Variants in CTNNA3 observed in about 807,000 individuals in gnomAD.
CTNNA3 encodes the protein catenin alpha-3.
CTNNA3 carries 76 observed loss-of-function variants against 95.7 expected under a neutral mutation model. The ratio of observed to expected loss-of-function variants is 0.79; its 90% confidence interval spans 0.66 to 0.96. CTNNA3 has a LOEUF of 0.96. CTNNA3 is among the 40% of genes least tolerant of loss of function. The probability of loss-of-function intolerance (pLI) is 0.00; values close to 1 mark genes in which losing one functional copy is unlikely to be tolerated. For synonymous variants in CTNNA3, 431 were observed against 374.4 expected (o/e 1.15, Z -1.74); for missense variants, 1,191 against 1,089.8 (o/e 1.09, Z -1.31).
At chr10:67,165,845 C>T (rs1395997479) in intron 7 of CTNNA3, among the ~76,000 whole-genome samples, 2 of 152,088 alleles carry the variant, frequency 1.3e-5, no homozygotes, top group African/African-American at 4.8e-5. Context: ...ATAAAATGAA[C>T]AGTCAATACT....
At chr10:66,736,647 A>G (rs972654130) in intron 9 of CTNNA3, among the ~76,000 whole-genome samples, 1 of 152,022 alleles carries the variant, frequency 6.6e-6, no homozygotes, top group African/African-American at 2.4e-5. Flanking sequence ...ATGTTAAAAC[A>G]TTCTAAAAGT....
intron 7 of CTNNA3, among the ~76,000 whole-genome samples, chr10:66,816,591 A>G (rs542200178): frequency 4.6e-5 from 7 of 152,214 alleles, no homozygotes; most frequent in African/African-American, 1.7e-4. Context: ...AGGCTTTAAT[A>G]CCTCATGTCT....
At chr10:66,027,806 C>T (rs1481791829) in intron 15 of CTNNA3, among the ~76,000 whole-genome samples, 1 of 152,144 alleles carries the variant, frequency 6.6e-6, no homozygotes, top group Non-Finnish European at 1.5e-5. Context: ...CCTCCTTTAT[C>T]TTGGCTCAAA....
rs2133836168 is a variant in CTNNA3 at position 66,127,439 on chromosome 10, T to G, written c.1885-24190A>C. Among the ~76,000 whole-genome samples the G allele has an allele frequency of 1.3e-5, 2 of 152,122 alleles. 1 individual carries two copies. The highest frequency in any genetic ancestry group is 4.1e-4 in the South Asian group (2 of 4,820). ...TGGTCTTCCTCCCAAAACCACATATTCCCAGACTAATCATAAGGACAAACT... is the reference window on the plus strand; with the variant it reads ...TGGTCTTCCTCCCAAAACCACATATGCCCAGACTAATCATAAGGACAAACT... On this transcript the variant is annotated intron_variant, in intron 13 of 17. Transcript: ENST00000433211.
intron 4 of CTNNA3, among the ~76,000 whole-genome samples, chr10:67,538,612 G>T (rs1017092010): frequency 6.6e-6 from 1 of 151,042 alleles, no homozygotes; most frequent in East Asian, 1.9e-4. Context: ...AGAAAGAAAA[G>T]AAAAAGAAAG....
At position 66,822,673 on chromosome 10, in the gene CTNNA3, A is replaced by G. The variant is rs112959126; in HGVS notation, c.1048-47149T>C. On this transcript the variant is annotated intron_variant, in intron 7 of 17. Transcript: ENST00000433211. ...TATCAGTCTTCACTATTTTTAACGA[A>G]AGGGCACAGATCCTATTAAAGAAAG... Among the ~76,000 whole-genome samples the G allele has an allele frequency of 4.3e-3, 649 of 152,268 alleles. 2 individuals are homozygous for G. Among genetic ancestry groups the G allele is most frequent in the African/African-American group, 0.015 (611 of 41,566 alleles).
chr10:67,251,626 G>A (rs1866112802), intron 5 of CTNNA3, among the ~76,000 whole-genome samples: 1 of 152,170 alleles, frequency 6.6e-6, no homozygotes, highest in Non-Finnish European at 1.5e-5. Context: ...CAGAACCAAT[G>A]AGGAAGAAGA....
At chr10:67,105,869 C>G (rs1439340695) in intron 7 of CTNNA3, among the ~76,000 whole-genome samples, 3 of 152,178 alleles carry the variant, frequency 2.0e-5, no homozygotes, top group African/African-American at 7.2e-5. Flanking sequence ...TGCATATTAT[C>G]TGGAGAAAAG....
At chr10:66,318,276 A>ATGTGTGTGTGTGTG (rs138734509) in intron 12 of CTNNA3, among the ~76,000 whole-genome samples, 10 of 136,660 alleles carry the variant, frequency 7.3e-5, no homozygotes, top group African/African-American at 2.4e-4. Flanking sequence ...ATATATATAT[A>ATGTGTGTGTGTGTG]TGTGTGTGTG....
intron 7 of CTNNA3, among the ~76,000 whole-genome samples, chr10:67,048,645 G>A (rs1171293292): frequency 2.0e-5 from 3 of 152,022 alleles, no homozygotes; most frequent in South Asian, 4.1e-4. Context: ...TATTTTGAGA[G>A]CTGCAGAAAA....
At chr10:67,019,857 C>T (rs919293931) in intron 7 of CTNNA3, among the ~76,000 whole-genome samples, 2 of 152,276 alleles carry the variant, frequency 1.3e-5, no homozygotes, top group East Asian at 1.9e-4. Context: ...GTTCCTCTTC[C>T]GTTCTTGCCT....
In CTNNA3 at chr10:66,688,795, CCCG is replaced by C. The variant is rs1246677151; in HGVS notation, c.1282-67014_1282-67012del. Among the ~76,000 whole-genome samples, 393 of 150,616 alleles carry C rather than the reference CCCG, an allele frequency of 2.6e-3. 5 individuals are homozygous for C. Among genetic ancestry groups the C allele is most frequent in the African/African-American group, 8.9e-3 (361 of 40,724 alleles). ...GACCATCCTGGCTAACGTGGTGAAA[CCCG>C]TCTCTACTAAAAAATACAAAAAAAA... On this transcript the variant is annotated intron_variant, in intron 9 of 17. Coordinates refer to ENST00000433211, the MANE Select transcript of CTNNA3 (RefSeq NM_013266.4).
chr10:66,256,347 G>A (rs1019915082), intron 13 of CTNNA3, among the ~76,000 whole-genome samples: 1 of 152,102 alleles, frequency 6.6e-6, no homozygotes, highest in African/African-American at 2.4e-5. Context: ...AAAAATTAGA[G>A]GAAGACCCAC....
chr10:67,222,651 T>C (rs762109355), intron 5 of CTNNA3, among the ~76,000 whole-genome samples: 2 of 152,168 alleles, frequency 1.3e-5, no homozygotes, highest in African/African-American at 4.8e-5. Flanking sequence ...AGAGGATAAA[T>C]AGTTTAATGT....
intron 1 of CTNNA3, among the ~76,000 whole-genome samples, chr10:67,701,972 A>C (rs1383290018): frequency 1.3e-5 from 2 of 152,232 alleles, no homozygotes; most frequent in African/African-American, 4.8e-5. Flanking sequence ...CAGGGGTTGC[A>C]ATCTTAGTCT....
intron 11 of CTNNA3, among the ~76,000 whole-genome samples, chr10:66,405,787 A>G (rs988949415): frequency 2.0e-5 from 3 of 152,100 alleles, no homozygotes; most frequent in Non-Finnish European, 4.4e-5. Flanking sequence ...TTTTCTTGAC[A>G]ACCTGCCTCT....
In CTNNA3 at chr10:67,051,406, A is replaced by T. The variant is rs183254035; in HGVS notation, c.1047+128911T>A. Among the ~76,000 whole-genome samples, 6 of 152,236 alleles carry T rather than the reference A, an allele frequency of 3.9e-5. No homozygotes were observed. The East Asian group carries it at 1.2e-3, about 29-fold the overall frequency. On this transcript the variant is annotated intron_variant, in intron 7 of 17. Transcript: ENST00000433211. ...TTTCCCTTGGACATTTTAACAGCTA[A>T]TAAGCCAAGAAATGCTATCTAATTT...
In CTNNA3 at chr10:66,297,718, T is replaced by C. The variant is rs1012589019; in HGVS notation, c.1733-17097A>G. Among the ~76,000 whole-genome samples the C allele has an allele frequency of 2.0e-5, 3 of 152,162 alleles. No homozygotes were observed. The South Asian group carries it at 6.2e-4, about 31-fold the overall frequency. ...GCAGAGTTAAGCAGTCACTGCAACC[T>C]TTCATCATTTTCTACAATAAGGCCA... is the stretch of plus-strand genomic sequence containing the variant. On this transcript the variant is annotated intron_variant, in intron 12 of 17. Coordinates refer to ENST00000433211, the MANE Select transcript of CTNNA3 (RefSeq NM_013266.4).
chr10:66,609,647 G>A (rs1016788152), intron 10 of CTNNA3, among the ~76,000 whole-genome samples: 2 of 151,930 alleles, frequency 1.3e-5, no homozygotes, highest in Non-Finnish European at 2.9e-5. Flanking sequence ...AGACACTGTT[G>A]GTGGGAGTGT....
Sources: allele counts gnomAD v4.1 joint callset (sites outside exome capture counted in the v4.1 genomes callset), GRCh38; gene constraint gnomAD v4.1.1; transcripts MANE v1.5; gene names NCBI Gene and HGNC (gene_info 2026-07-23, HGNC 2026-07-21).